SNX29: variants seen among roughly 807,000 people sequenced by gnomAD.
SNX29 encodes sorting nexin 29, also known as sorting nexin-29.
Under a neutral mutation model 102.1 loss-of-function variants are expected in SNX29, and 78 were observed. The ratio of observed to expected loss-of-function variants is 0.76; its 90% CI spans 0.64 to 0.92. SNX29 has a LOEUF of 0.92. Among genes scored for constraint, SNX29 ranks in the 40% least tolerant of loss-of-function variants. SNX29 has a pLI of 0.00. For synonymous variants in SNX29, 580 were observed against 414.5 expected, an observed-to-expected ratio of 1.40 and a Z score of -4.85; for missense variants, 1,280 against 1,061.7, an observed-to-expected ratio of 1.21 and a Z score of -2.86.
chr16:12,189,702 A>G (rs1368447410), intron 13 of SNX29, among the ~76,000 whole-genome samples: 1 of 152,064 alleles, frequency 6.6e-6, no homozygotes, highest in African/African-American at 2.4e-5. Flanking sequence ...TTTTCCATTA[A>G]TTAATTTTGG....
chr16:12,193,865 A>G (rs560060376), intron 13 of SNX29, among the ~76,000 whole-genome samples: 13 of 152,310 alleles, frequency 8.5e-5, no homozygotes, highest in African/African-American at 2.9e-4. Context: ...CATTTTGCCC[A>G]TATGACATTG....
At chr16:12,095,919 G>A (rs149159384) in intron 11 of SNX29, among the ~76,000 whole-genome samples, 1 of 152,360 alleles carries the variant, frequency 6.6e-6, no homozygotes, top group East Asian at 1.9e-4. Context: ...CTCAACGCTA[G>A]TGAGGCGTTC....
chr16:12,105,691 CTG>C (rs1476857806), intron 11 of SNX29, among the ~76,000 whole-genome samples: 1 of 152,146 alleles, frequency 6.6e-6, no homozygotes, highest in Non-Finnish European at 1.5e-5. Flanking sequence ...AGAGACAATG[CTG>C]TGTTTCCAGG....
chr16:12,215,733 C>G (rs1436812173), intron 14 of SNX29, among the ~76,000 whole-genome samples: 1 of 152,208 alleles, frequency 6.6e-6, no homozygotes, highest in Non-Finnish European at 1.5e-5. Flanking sequence ...TCCCCTTACC[C>G]TTTGTTTCTG....
intron 8 of SNX29, among the ~76,000 whole-genome samples, chr16:12,054,201 C>T (rs978756758): frequency 6.6e-5 from 10 of 152,170 alleles, no homozygotes; most frequent in Non-Finnish European, 1.0e-4. Flanking sequence ...CTCCTGATCT[C>T]GTGATCTGCC....
At chr16:12,551,502 C>G (rs7206557) in intron 20 of SNX29, among the ~76,000 whole-genome samples, 1 of 152,152 alleles carries the variant, frequency 6.6e-6, no homozygotes, top group Non-Finnish European at 1.5e-5. Context: ...AATCTTTGGG[C>G]CTCAGCATCA....
intron 15 of SNX29, among the ~76,000 whole-genome samples, chr16:12,300,414 GCTGTATATTTTACT>G (rs1161597728): frequency 1.3e-5 from 2 of 152,194 alleles, no homozygotes; most frequent in South Asian, 2.1e-4. Context: ...GTTTCTCCAA[GCTGTATATTTTACT>G]CTGTATATTT....
chr16:12,350,284 T>C (rs574299486), intron 15 of SNX29, among the ~76,000 whole-genome samples: 3 of 152,236 alleles, frequency 2.0e-5, no homozygotes, highest in East Asian at 3.9e-4. Flanking sequence ...TGTACAGACT[T>C]TTTTCCTTCT....
chr16:12,258,448 G>A (rs766886817), intron 14 of SNX29, among the ~76,000 whole-genome samples: 6 of 152,152 alleles, frequency 3.9e-5, no homozygotes, highest in Non-Finnish European at 7.4e-5. Context: ...CAGAGGCCCA[G>A]CCTCCATGTC....
In SNX29 at chr16:12,571,204, C is replaced by A. The variant is rs770302633; in HGVS notation, c.*2575C>A. On this transcript the variant is annotated 3_prime_UTR_variant, in exon 21 of 21. Transcript: ENST00000566228. ...GGTGGGATGAACTTCAGGCAACAAA[C>A]AACTGGCAGGGTTCCCAGTTCCTGG... 77 of 232,342 alleles carry A rather than the reference C, an allele frequency of 3.3e-4. No homozygotes were observed. Among genetic ancestry groups the A allele is most frequent in the Admixed American group, 1.1e-3 (19 of 17,752 alleles). 14.4% of individuals were successfully genotyped at this position (232,342 alleles called of 1,614,324 possible).
At chr16:11,983,284 C>T (rs2055469223) in intron 1 of SNX29, among the ~76,000 whole-genome samples, 1 of 145,886 alleles carries the variant, frequency 6.9e-6, no homozygotes, top group Non-Finnish European at 1.5e-5. Flanking sequence ...ACTACGTTAC[C>T]CAGGTTTATC....
At chr16:12,304,423 C>T (rs567001280) in intron 15 of SNX29, among the ~76,000 whole-genome samples, 168 of 152,296 alleles carry the variant, frequency 1.1e-3, no homozygotes, top group Non-Finnish European at 1.5e-3. Flanking sequence ...CAGGTGCACG[C>T]CACCATGTCT....
chr16:12,273,583 C>G (rs1019635538), intron 14 of SNX29, among the ~76,000 whole-genome samples: 10 of 152,162 alleles, frequency 6.6e-5, no homozygotes, highest in African/African-American at 2.4e-4. Context: ...GTCTCGAACA[C>G]TTGACCTCAG....
chr16:12,374,465 A>T (rs2082800125), intron 16 of SNX29: 1 of 152,238 alleles, frequency 6.6e-6, no homozygotes, highest in South Asian at 2.1e-4. Context: ...GTCTGTGTGG[A>T]GTACGAGGCG....
chr16:12,538,669 C>T (rs372265315), intron 20 of SNX29, among the ~76,000 whole-genome samples: 1 of 152,276 alleles, frequency 6.6e-6, no homozygotes, highest in Admixed American at 6.5e-5. Context: ...ATCCACAGAT[C>T]TTTCATCCTC....
intron 1 of SNX29, among the ~76,000 whole-genome samples, chr16:11,993,856 C>T (rs963471869): frequency 2.0e-5 from 3 of 152,206 alleles, no homozygotes; most frequent in East Asian, 1.9e-4. Flanking sequence ...CGCGGTGGCT[C>T]ATGCCTGTAA....
intron 19 of SNX29, among the ~76,000 whole-genome samples, chr16:12,478,152 T>G (rs1567605420): frequency 6.6e-6 from 1 of 152,210 alleles, no homozygotes; most frequent in Non-Finnish European, 1.5e-5. Flanking sequence ...CTTTACCATT[T>G]CAGTGGCAAA....
intron 19 of SNX29, among the ~76,000 whole-genome samples, chr16:12,509,527 T>C (rs2089516934): frequency 6.6e-6 from 1 of 152,230 alleles, no homozygotes; most frequent in Non-Finnish European, 1.5e-5. Flanking sequence ...CCCCGTATCC[T>C]GTCTTTGGGT....
intron 15 of SNX29, among the ~76,000 whole-genome samples, chr16:12,292,456 G>A (rs1029853522): frequency 1.3e-5 from 2 of 152,114 alleles, no homozygotes; most frequent in Non-Finnish European, 2.9e-5. Flanking sequence ...CCTTCCTCCC[G>A]TGGCCGCTCT....
Sources: allele counts gnomAD v4.1 joint callset (sites outside exome capture counted in the v4.1 genomes callset), GRCh38; gene constraint gnomAD v4.1.1; transcripts MANE v1.5; gene names NCBI Gene and HGNC (gene_info 2026-07-23, HGNC 2026-07-21).